Variants in COL4A3 observed in about 807,000 individuals in gnomAD.
The protein encoded by COL4A3 is collagen alpha-3(IV) chain.
In COL4A3, 135 loss-of-function variants were observed where a neutral mutation model predicts 217.4. The observed-to-expected ratio is 0.62, with a 90% CI of 0.54 to 0.72. COL4A3 has a LOEUF of 0.72. Among genes scored for constraint, COL4A3 ranks in the 30% least tolerant of loss-of-function variants. The pLI, the probability that COL4A3 is intolerant of heterozygous loss-of-function variation, is 0.00. For missense variants in COL4A3, 1,868 were observed against 2,119.9 expected, an observed-to-expected ratio of 0.88 and a Z score of 2.33; for synonymous variants, 690 against 736.3, an observed-to-expected ratio of 0.94 and a Z score of 1.02.
At chr2:227,275,664 C>A (rs1013483453) in intron 26 of COL4A3, among the ~76,000 whole-genome samples, 1 of 152,110 alleles carries the variant, frequency 6.6e-6, no homozygotes, top group African/African-American at 2.4e-5. Flanking sequence ...AATATTATCT[C>A]GTGTCCTTAT....
chr2:227,277,004 C>CATATGATT (rs1271870168), intron 27 of COL4A3, among the ~76,000 whole-genome samples: 1 of 152,044 alleles, frequency 6.6e-6, no homozygotes, highest in Non-Finnish European at 1.5e-5. Flanking sequence ...GGAGGGGGAG[C>CATATGATT]ATATGATTGG....
At chr2:227,307,501 A>T (rs1366310142) in intron 47 of COL4A3, among the ~76,000 whole-genome samples, 1 of 152,222 alleles carries the variant, frequency 6.6e-6, no homozygotes, top group Non-Finnish European at 1.5e-5. Flanking sequence ...CGCATCAAAT[A>T]TACACAAACA....
intron 1 of COL4A3, among the ~76,000 whole-genome samples, chr2:227,230,474 T>C (rs2068342268): frequency 6.6e-6 from 1 of 152,198 alleles, no homozygotes; most frequent in Admixed American, 6.5e-5. Flanking sequence ...ATAAAAATGT[T>C]GCTTAAGAAA....
chr2:227,260,113 T>C (rs1277936511), intron 19 of COL4A3: 2 of 681,148 alleles, frequency 2.9e-6, no homozygotes, highest in Middle Eastern at 2.5e-4. Context: ...AAAGTTCAAA[T>C]CTGTCATGGA....
intron 1 of COL4A3, among the ~76,000 whole-genome samples, chr2:227,183,032 T>C (rs1289495768): frequency 1.3e-5 from 2 of 152,234 alleles, no homozygotes; most frequent in Admixed American, 1.3e-4. Flanking sequence ...GACTTGTTTT[T>C]ACATGTGAAA....
At chr2:227,202,287 C>A (rs568915456) in intron 1 of COL4A3, among the ~76,000 whole-genome samples, 1 of 152,112 alleles carries the variant, frequency 6.6e-6, no homozygotes, top group African/African-American at 2.4e-5. Context: ...GTGGCTGTCC[C>A]CATGCCTTTT....
intron 18 of COL4A3, among the ~76,000 whole-genome samples, chr2:227,259,491 A>G (rs551783548): frequency 4.7e-4 from 72 of 152,358 alleles, no homozygotes; most frequent in African/African-American, 1.7e-3. Flanking sequence ...ACACACATAC[A>G]TAGGTATGTA....
intron 10 of COL4A3, 36 bp downstream of exon 10, chr2:227,251,238 A>G: frequency 6.3e-7 from 1 of 1,597,034 alleles, no homozygotes; most frequent in Admixed American, 1.7e-5. Context: ...AGACTCTGTC[A>G]ACTAATAGAT....
intron 1 of COL4A3, among the ~76,000 whole-genome samples, chr2:227,197,792 G>C (rs1468313516): frequency 1.3e-5 from 2 of 152,190 alleles, no homozygotes; most frequent in Non-Finnish European, 1.5e-5. Context: ...GCCAGGCATG[G>C]TGGTGAGGGT....
At chr2:227,258,355 C>T (rs1175351464) in intron 18 of COL4A3, among the ~76,000 whole-genome samples, 5 of 152,178 alleles carry the variant, frequency 3.3e-5, no homozygotes, top group African/African-American at 1.2e-4. Context: ...GACCCCCATG[C>T]TCAGTAATGT....
chr2:227,283,671 C>A (rs1464484782), intron 32 of COL4A3, 96 bp from the exon 33 acceptor site: 11 of 1,072,998 alleles, frequency 1.0e-5, no homozygotes, highest in Non-Finnish European at 1.6e-5. Context: ...AACTCCCAAT[C>A]TCTGCTTCTA....
At chr2:227,277,348 C>A in intron 27 of COL4A3, 101 bp from the exon 28 acceptor site, 9 of 737,436 alleles carry the variant, frequency 1.2e-5, no homozygotes, top group South Asian at 3.3e-5. Context: ...AAACAATGTG[C>A]AAAAGGGATA....
chr2:227,306,317 C>T (rs544821402), intron 47 of COL4A3, among the ~76,000 whole-genome samples: 17 of 152,226 alleles, frequency 1.1e-4, no homozygotes, highest in African/African-American at 3.9e-4. Flanking sequence ...AACTGATAGC[C>T]CTGGCCCCTT....
At chr2:227,306,877 G>C (rs1376152114) in intron 47 of COL4A3, among the ~76,000 whole-genome samples, 2 of 152,240 alleles carry the variant, frequency 1.3e-5, no homozygotes, top group East Asian at 3.9e-4. Context: ...GTTGGGGAGG[G>C]AGTCAGCGTA....
At position 227,284,482 on chromosome 2, in the gene COL4A3, T is replaced by C. The variant is rs2072198672; in HGVS notation, c.2881+137T>C. 9 of 986,566 alleles carry C rather than the reference T, an allele frequency of 9.1e-6. No individual in the cohort carries two copies. The South Asian group carries it at 1.1e-4, about 12-fold the overall frequency. The allele number at this position is 986,566 out of a possible 1,614,324, so 61.1% of individuals were successfully genotyped here. A position where few individuals can be genotyped will look rare whatever the true frequency, so the allele number is the denominator to read the frequency against. ...GTTACCTGCCCATCACACAGCCGGT[T>C]GGTGGCTGAGCAGGCCTTAGAACTG... is the stretch of plus-strand genomic sequence containing the variant. On this transcript the variant is annotated intron_variant, in intron 34 of 51. Coordinates refer to ENST00000396578, the MANE Select transcript of COL4A3 (RefSeq NM_000091.5).
intron 9 of COL4A3, among the ~76,000 whole-genome samples, 170 bp downstream of exon 9, chr2:227,248,690 C>T (rs2069511434): frequency 6.6e-6 from 1 of 152,106 alleles, no homozygotes; most frequent in Non-Finnish European, 1.5e-5. Flanking sequence ...GGCCTCATTT[C>T]ATTCTAAAGC....
intron 1 of COL4A3, among the ~76,000 whole-genome samples, chr2:227,208,172 A>G (rs574909997): frequency 6.6e-6 from 1 of 152,352 alleles, no homozygotes; most frequent in South Asian, 2.1e-4. Flanking sequence ...TTGGGAAGGA[A>G]TTCAGTTCAT....
chr2:227,192,691 G>C (rs991235979), intron 1 of COL4A3, among the ~76,000 whole-genome samples: 5 of 152,158 alleles, frequency 3.3e-5, no homozygotes, highest in African/African-American at 1.2e-4. Flanking sequence ...GTGGGGAGAA[G>C]GTTAGGGGTG....
chr2:227,255,407 A>G (rs528054101), intron 15 of COL4A3, among the ~76,000 whole-genome samples: 35 of 152,346 alleles, frequency 2.3e-4, no homozygotes, highest in Admixed American at 1.3e-3. Context: ...TTAAATCTCT[A>G]AAAGTTATAC....
Sources: gnomAD v4.1 joint callset for allele counts (sites outside exome capture counted in the v4.1 genomes callset) on GRCh38, gnomAD v4.1.1 for gene constraint, MANE v1.5 for transcripts, NCBI Gene and HGNC (gene_info 2026-07-23, HGNC 2026-07-21) for gene names.